Variants in CPQ observed in about 807,000 individuals in gnomAD.
CPQ encodes Ser-Met dipeptidase.
A neutral mutation model predicts 45.7 loss-of-function variants in CPQ; 37 were observed. The observed-to-expected ratio is 0.81, with a 90% CI of 0.62 to 1.07. The LOEUF is 1.07. CPQ is among the 50% of genes least tolerant of loss of function. The pLI is 0.00. For missense variants in CPQ, 537 were observed against 572.9 expected (o/e 0.94, Z 0.64); for synonymous variants, 186 against 205.8 (o/e 0.90, Z 0.82).
intron 6 of CPQ, among the ~76,000 whole-genome samples, chr8:97,030,520 T>C (rs929864241): frequency 6.6e-6 from 1 of 152,190 alleles, no homozygotes; most frequent in Non-Finnish European, 1.5e-5. Context: ...ACCACTTTAG[T>C]TCTTTTGGCC....
rs560709860 is a variant in CPQ at position 96,754,856 on chromosome 8, C to G, written c.-34-30008C>G. ...TTATTTCCTCCCCCTTTTTCTTATTCTGTATCTTTCTTTTTCAAAAAATTT... is the reference window on the plus strand; with the variant it reads ...TTATTTCCTCCCCCTTTTTCTTATTGTGTATCTTTCTTTTTCAAAAAATTT... On this transcript the variant is annotated intron_variant, in intron 1 of 7. Coordinates refer to ENST00000220763, the MANE Select transcript of CPQ (RefSeq NM_016134.4). 2.6e-5 allele frequency among the ~76,000 whole-genome samples: 4 copies of G among 151,870 alleles called. No homozygotes were observed. The South Asian group carries it at 8.3e-4, about 32-fold the overall frequency.
At chr8:97,038,902 G>T (rs1464313738) in intron 6 of CPQ, among the ~76,000 whole-genome samples, 4 of 151,172 alleles carry the variant, frequency 2.6e-5, no homozygotes, top group Admixed American at 1.3e-4. Flanking sequence ...CTGTTACAAG[G>T]CAGAAGTTTA....
chr8:96,819,141 T>C (rs1370793657), intron 2 of CPQ, among the ~76,000 whole-genome samples: 1 of 152,130 alleles, frequency 6.6e-6, no homozygotes, highest in Non-Finnish European at 1.5e-5. Context: ...AGAAAAATTA[T>C]CATCACACAA....
chr8:96,735,785 GC>G (rs1809974690), intron 1 of CPQ, among the ~76,000 whole-genome samples: 1 of 152,148 alleles, frequency 6.6e-6, no homozygotes, highest in Admixed American at 6.5e-5. Flanking sequence ...TCAGGTGCCT[GC>G]CCAATTAGCC....
intron 4 of CPQ, among the ~76,000 whole-genome samples, chr8:96,881,700 A>G (rs1812225606): frequency 1.3e-5 from 2 of 152,208 alleles, no homozygotes; most frequent in Admixed American, 6.5e-5. Flanking sequence ...GCTTTAAACC[A>G]CAGTTTATGT....
chr8:96,683,798 G>A (rs1349485959), intron 1 of CPQ, among the ~76,000 whole-genome samples: 1 of 144,218 alleles, frequency 6.9e-6, no homozygotes, highest in Non-Finnish European at 1.5e-5. Context: ...ATGTTCAGCA[G>A]TTCTTTTCTG....
chr8:96,812,554 G>A (rs541626734), intron 2 of CPQ, among the ~76,000 whole-genome samples: 1 of 152,230 alleles, frequency 6.6e-6, no homozygotes, highest in African/African-American at 2.4e-5. Flanking sequence ...TAGGATCTCT[G>A]TTCTTAGGCA....
At chr8:96,996,665 C>T (rs1809183683) in intron 5 of CPQ, among the ~76,000 whole-genome samples, 1 of 151,800 alleles carries the variant, frequency 6.6e-6, no homozygotes, top group African/African-American at 2.4e-5. Flanking sequence ...AATTCAGTAC[C>T]TTTACAAATT....
chr8:96,930,188 G>A (rs1812953805), intron 4 of CPQ, among the ~76,000 whole-genome samples: 1 of 152,202 alleles, frequency 6.6e-6, no homozygotes, highest in African/African-American at 2.4e-5. Context: ...GTCAAATACA[G>A]AGAAAGTCAC....
rs34511194 is a variant in CPQ at position 96,958,912 on chromosome 8, GA to G, written c.850-7008del. ...CAAGCTAACACCCAACAGCTTCACTGAAAAAAAAAAAAAAAGCTTGAAGATA... is the reference window on the plus strand; with the variant it reads ...CAAGCTAACACCCAACAGCTTCACTGAAAAAAAAAAAAAAGCTTGAAGATA... On this transcript the variant is annotated intron_variant, in intron 4 of 7. Transcript: ENST00000220763. Among the ~76,000 whole-genome samples the G allele has an allele frequency of 9.4e-3, 1,226 of 131,012 alleles. 9 individuals carry two copies. The highest frequency in any genetic ancestry group is 0.023 in the African/African-American group (817 of 36,270). The allele number at this position is 131,012 out of a possible 152,430, so 85.9% of individuals were successfully genotyped here. A position where few individuals can be genotyped will look rare whatever the true frequency, so the allele number is the denominator to read the frequency against.
chr8:96,947,655 GTAGCC>G (rs1293331185), intron 4 of CPQ, among the ~76,000 whole-genome samples: 1 of 152,088 alleles, frequency 6.6e-6, no homozygotes. Flanking sequence ...GATAGGGATT[GTAGCC>G]AAGCAGCTTG....
At chr8:96,695,540 T>A (rs1241717142) in intron 1 of CPQ, among the ~76,000 whole-genome samples, 10 of 152,194 alleles carry the variant, frequency 6.6e-5, no homozygotes, top group South Asian at 4.1e-4. Context: ...CAACCTACTC[T>A]TCTGACAAAG....
chr8:96,713,314 C>T (rs1329042703), intron 1 of CPQ, among the ~76,000 whole-genome samples: 6 of 152,182 alleles, frequency 3.9e-5, no homozygotes, highest in Admixed American at 6.5e-5. Context: ...GTTCCAAAGT[C>T]GCTTCCACAT....
chr8:96,711,081 GC>G (rs971168760), intron 1 of CPQ, among the ~76,000 whole-genome samples: 2 of 151,554 alleles, frequency 1.3e-5, no homozygotes, highest in Non-Finnish European at 2.9e-5. Flanking sequence ...GACCTTTTTT[GC>G]CCCCCCTTTT....
At chr8:96,889,189 G>A (rs1026297694) in intron 4 of CPQ, among the ~76,000 whole-genome samples, 3 of 152,204 alleles carry the variant, frequency 2.0e-5, no homozygotes, top group Non-Finnish European at 2.9e-5. Flanking sequence ...CAGTGGATTT[G>A]CGTTTTAGCA....
intron 7 of CPQ, among the ~76,000 whole-genome samples, chr8:97,126,471 C>T (rs1346963602): frequency 2.0e-5 from 3 of 152,238 alleles, no homozygotes; most frequent in African/African-American, 7.2e-5. Context: ...GTTTTCATAA[C>T]ATTTATGCCT....
chr8:96,652,925 C>A (rs1006240074), intron 1 of CPQ, among the ~76,000 whole-genome samples: 14 of 152,282 alleles, frequency 9.2e-5, no homozygotes, highest in Admixed American at 6.5e-4. Flanking sequence ...TGAGCCACCG[C>A]ACCCGGCCCC....
intron 7 of CPQ, among the ~76,000 whole-genome samples, chr8:97,103,944 T>C (rs1006958813): frequency 2.6e-5 from 4 of 152,120 alleles, no homozygotes; most frequent in African/African-American, 9.7e-5. Context: ...GGAGACTGCA[T>C]AGGATGGCCT....
intron 1 of CPQ, among the ~76,000 whole-genome samples, chr8:96,719,442 G>A (rs758824678): frequency 6.6e-6 from 1 of 152,178 alleles, no homozygotes. Context: ...ACCGCACGCA[G>A]TCCCGGTTGC....
Sources: allele counts gnomAD v4.1 joint callset (sites outside exome capture counted in the v4.1 genomes callset), GRCh38; gene constraint gnomAD v4.1.1; transcripts MANE v1.5; gene names NCBI Gene and HGNC (gene_info 2026-07-23, HGNC 2026-07-21).